Variants in SRGAP1 observed in about 807,000 individuals in gnomAD.
SRGAP1 encodes the protein SLIT-ROBO Rho GTPase activating protein 1, also known as SLIT-ROBO Rho GTPase-activating protein 1.
A neutral mutation model predicts 121.9 loss-of-function variants in SRGAP1; 43 were observed. The ratio of observed to expected loss-of-function variants is 0.35; its 90% CI spans 0.28 to 0.46. The LOEUF (loss-of-function observed/expected upper bound fraction) is 0.46, where lower values mean the gene tolerates loss of function less well. Ranked by LOEUF, SRGAP1 falls within the 20% of genes least tolerant of loss-of-function variation. The probability of loss-of-function intolerance (pLI) is 1.00; values close to 1 mark genes in which losing one functional copy is unlikely to be tolerated. For synonymous variants in SRGAP1, 447 were observed against 485.4 expected (o/e 0.92, Z 1.04); for missense variants, 1,102 against 1,350.9 (o/e 0.82, Z 2.89).
chr12:63,862,359 T>C (rs901359316), intron 1 of SRGAP1, among the ~76,000 whole-genome samples: 3 of 152,140 alleles, frequency 2.0e-5, no homozygotes, highest in Admixed American at 2.0e-4. Context: ...ACAGCCAACT[T>C]GGCACAAGAC....
At chr12:64,076,029 C>T (rs1214214849) in intron 8 of SRGAP1, among the ~76,000 whole-genome samples, 4 of 152,128 alleles carry the variant, frequency 2.6e-5, no homozygotes, top group Admixed American at 2.6e-4. Flanking sequence ...CATGGCCAAG[C>T]CTGAAACCTG....
At chr12:64,003,414 A>C (rs2136440009) in intron 3 of SRGAP1, among the ~76,000 whole-genome samples, 1 of 151,524 alleles carries the variant, frequency 6.6e-6, no homozygotes, top group African/African-American at 2.4e-5. Context: ...AGCAACCACG[A>C]TAAAAATGTT....
At chr12:63,934,677 A>C (rs537253191) in intron 1 of SRGAP1, among the ~76,000 whole-genome samples, 5 of 152,168 alleles carry the variant, frequency 3.3e-5, no homozygotes, top group Non-Finnish European at 7.4e-5. Context: ...TGCTCCATAA[A>C]TATCCATAGA....
intron 1 of SRGAP1, among the ~76,000 whole-genome samples, chr12:63,969,023 G>A (rs561837721): frequency 3.9e-5 from 6 of 152,258 alleles, no homozygotes; most frequent in African/African-American, 1.4e-4. Flanking sequence ...GAAAAAAATC[G>A]TACTGTGGGT....
chr12:64,023,285 G>A (rs910559566), intron 4 of SRGAP1, among the ~76,000 whole-genome samples: 7 of 148,598 alleles, frequency 4.7e-5, no homozygotes, highest in African/African-American at 1.0e-4. Context: ...GGCTGTGATC[G>A]AAGAAGTGGA....
intron 8 of SRGAP1, among the ~76,000 whole-genome samples, chr12:64,073,666 G>T: frequency 6.6e-6 from 1 of 150,538 alleles, no homozygotes; most frequent in African/African-American, 2.4e-5. Context: ...GTTATACTGG[G>T]TTTTGTTATT....
At position 64,160,147 on chromosome 12, in the gene SRGAP1, T is replaced by G. The variant is rs1188449726; in HGVS notation, c.*17475T>G. On this transcript the variant is annotated 3_prime_UTR_variant, in exon 22 of 22. Coordinates refer to ENST00000355086, the MANE Select transcript of SRGAP1 (RefSeq NM_020762.4). The stretch of plus-strand genomic sequence containing the variant: ...GTTTCAGTATGGATAAGTTGTTCTC[T>G]AAGTCTACTGCATAGCTGAGAGCCT... The G allele has an allele frequency of 1.3e-5, 2 of 152,238 alleles. No individual in the cohort carries two copies. Among genetic ancestry groups the G allele is most frequent in the African/African-American group, 2.4e-5 (1 of 41,462 alleles). 9.4% of individuals were successfully genotyped at this position (152,238 alleles called of 1,614,324 possible).
intron 15 of SRGAP1, among the ~76,000 whole-genome samples, chr12:64,103,668 A>G (rs1565682360): frequency 6.6e-6 from 1 of 152,120 alleles, no homozygotes; most frequent in Non-Finnish European, 1.5e-5. Context: ...TTTTTCCTTT[A>G]TCCTTAAAAA....
chr12:64,097,987 T>C (rs1375537168), intron 15 of SRGAP1, among the ~76,000 whole-genome samples: 1 of 152,106 alleles, frequency 6.6e-6, no homozygotes, highest in Non-Finnish European at 1.5e-5. Context: ...AAGGTGAAAA[T>C]AATGATACCA....
At chr12:63,865,315 A>G (rs1397967714) in intron 1 of SRGAP1, among the ~76,000 whole-genome samples, 1 of 152,036 alleles carries the variant, frequency 6.6e-6, no homozygotes, top group African/African-American at 2.4e-5. Flanking sequence ...CTAAAAATAC[A>G]AAAATTAGCT....
intron 13 of SRGAP1, 47 bp downstream of exon 13, chr12:64,095,039 A>C (rs1445311384): frequency 6.2e-7 from 1 of 1,610,514 alleles, no homozygotes; most frequent in Admixed American, 1.7e-5. Flanking sequence ...AATCACTTGA[A>C]GTGTTTCAGT....
intron 14 of SRGAP1, among the ~76,000 whole-genome samples, chr12:64,096,279 T>G (rs1438236675): frequency 6.6e-6 from 1 of 152,218 alleles, no homozygotes; most frequent in Non-Finnish European, 1.5e-5. Flanking sequence ...GATAAATTCA[T>G]GTTCAGTGAT....
rs989215150 is a variant in SRGAP1 at position 64,095,474 on chromosome 12, C to T, written c.1678+270C>T. Among the ~76,000 whole-genome samples the T allele has an allele frequency of 5.3e-5, 8 of 152,168 alleles. No individual in the cohort carries two copies. In the East Asian group the frequency reaches 1.4e-3, roughly 26 times the overall value. ...GTGCCAGGTATAGCAAATGTGGGGC[C>T]GAAAGAGTTCTGGAAGAGTGGCCAG... is the stretch of plus-strand genomic sequence containing the variant. On this transcript the variant is annotated intron_variant, in intron 14 of 21. Transcript: ENST00000355086.
At chr12:63,952,833 ACAGGATCTCACTATGTTGCC>A (rs1330953678) in intron 1 of SRGAP1, among the ~76,000 whole-genome samples, 1 of 152,106 alleles carries the variant, frequency 6.6e-6, no homozygotes, top group Non-Finnish European at 1.5e-5. Flanking sequence ...ATAAATAGAG[ACAGGATCTCACTATGTTGCC>A]CAGGCTGTTT....
At chr12:63,907,687 T>G (rs1230755813) in intron 1 of SRGAP1, among the ~76,000 whole-genome samples, 1 of 152,234 alleles carries the variant, frequency 6.6e-6, no homozygotes, top group Non-Finnish European at 1.5e-5. Context: ...GTCTTTTTGC[T>G]CTCTTGATGG....
chr12:64,036,713 C>T (rs1464246406), intron 4 of SRGAP1, among the ~76,000 whole-genome samples: 4 of 152,140 alleles, frequency 2.6e-5, no homozygotes, highest in African/African-American at 9.7e-5. Context: ...ATTGCTGGTG[C>T]TATTTTGGAA....
intron 1 of SRGAP1, among the ~76,000 whole-genome samples, chr12:63,969,518 G>A (rs2032880089): frequency 6.6e-6 from 1 of 152,154 alleles, no homozygotes. Flanking sequence ...CATCGGCCAG[G>A]CACAGTGGCT....
intron 8 of SRGAP1, among the ~76,000 whole-genome samples, chr12:64,069,885 A>C (rs2035609351): frequency 6.6e-6 from 1 of 152,188 alleles, no homozygotes; most frequent in Non-Finnish European, 1.5e-5. Context: ...TGTTCAAAAA[A>C]CAAAATAATA....
chr12:63,849,819 C>T (rs1289183068), intron 1 of SRGAP1, among the ~76,000 whole-genome samples: 1 of 152,194 alleles, frequency 6.6e-6, no homozygotes, highest in Non-Finnish European at 1.5e-5. Context: ...ACAATTAAGA[C>T]GTACCTGGGA....
Sources: gnomAD v4.1 joint callset for allele counts (sites outside exome capture counted in the v4.1 genomes callset) on GRCh38, gnomAD v4.1.1 for gene constraint, MANE v1.5 for transcripts, NCBI Gene and HGNC (gene_info 2026-07-23, HGNC 2026-07-21) for gene names.